Variants in POLR3B observed in about 807,000 individuals in gnomAD.
The protein encoded by POLR3B is DNA-directed RNA polymerase III subunit RPC2.
A neutral mutation model predicts 147.4 loss-of-function variants in POLR3B; 96 were observed. That is an observed-to-expected ratio of 0.65 (90% CI 0.55 to 0.77). The LOEUF is 0.77. Among genes scored for constraint, POLR3B ranks in the 30% least tolerant of loss-of-function variants. The pLI is 0.00. For synonymous variants in POLR3B, 461 were observed against 485.9 expected, an observed-to-expected ratio of 0.95 and a Z score of 0.67; for missense variants, 1,036 against 1,413.5, an observed-to-expected ratio of 0.73 and a Z score of 4.28.
chr12:106,486,220 C>T (rs937541374), intron 23 of POLR3B, among the ~76,000 whole-genome samples: 3 of 130,432 alleles, frequency 2.3e-5, no homozygotes, highest in African/African-American at 5.7e-5. Flanking sequence ...ACCTGGGAGG[C>T]GGAGCTTGCA....
chr12:106,391,815 G>A (rs949319843), intron 9 of POLR3B, among the ~76,000 whole-genome samples: 3 of 152,192 alleles, frequency 2.0e-5, no homozygotes, highest in African/African-American at 7.2e-5. Context: ...ATTGGAACTT[G>A]GGATTTGATT....
chr12:106,466,114 G>T (rs564019737), intron 23 of POLR3B, among the ~76,000 whole-genome samples: 114 of 152,294 alleles, frequency 7.5e-4, no homozygotes, highest in African/African-American at 2.6e-3. Context: ...TCCAGCGTCT[G>T]TTGTTTCCTG....
chr12:106,487,260 T>C (rs76500983), intron 23 of POLR3B, among the ~76,000 whole-genome samples: 3,325 of 152,258 alleles, frequency 0.022, 123 homozygotes, highest in African/African-American at 0.075. Context: ...CTGCAGAGGT[T>C]TGTTTGTTTG....
intron 10 of POLR3B, among the ~76,000 whole-genome samples, chr12:106,398,469 A>G (rs908540906): frequency 9.2e-5 from 14 of 152,252 alleles, no homozygotes; most frequent in African/African-American, 3.4e-4. Flanking sequence ...CCTCTCTGAC[A>G]GCTTTGAAGA....
At chr12:106,464,017 C>T (rs1273537033) in intron 23 of POLR3B, among the ~76,000 whole-genome samples, 1 of 151,850 alleles carries the variant, frequency 6.6e-6, no homozygotes, top group Non-Finnish European at 1.5e-5. Context: ...CACTAGAAGA[C>T]ACCTCAGAGT....
chr12:106,393,278 T>C lies in POLR3B; in HGVS notation c.846+125T>C, dbSNP rs1329568056. On this transcript the variant is annotated intron_variant, in intron 10 of 27. Coordinates refer to ENST00000228347, the MANE Select transcript of POLR3B (RefSeq NM_018082.6). ...ATTTGGGAAAGGTATTGGGGAGATATGGGAGGAGTGAAGTTTCTTTAACTC... is the reference window on the plus strand; with the variant it reads ...ATTTGGGAAAGGTATTGGGGAGATACGGGAGGAGTGAAGTTTCTTTAACTC... The C allele has an allele frequency of 1.1e-5, 15 of 1,366,970 alleles. No homozygotes were observed. In the Middle Eastern group the frequency reaches 7.2e-4, roughly 66 times the overall value. 84.7% of individuals were successfully genotyped at this position (1,366,970 alleles called of 1,614,324 possible).
intron 11 of POLR3B, among the ~76,000 whole-genome samples, chr12:106,407,234 A>C (rs529003932): frequency 6.6e-6 from 1 of 152,352 alleles, no homozygotes; most frequent in Non-Finnish European, 1.5e-5. Flanking sequence ...AAGGCTTTTG[A>C]GCCTGAGACG....
intron 18 of POLR3B, among the ~76,000 whole-genome samples, chr12:106,441,892 C>T (rs2037656008): frequency 6.6e-6 from 1 of 152,054 alleles, no homozygotes; most frequent in African/African-American, 2.4e-5. Flanking sequence ...ACCAACCTGA[C>T]CAACATGGAG....
At chr12:106,436,856 G>A (rs144394684) in intron 16 of POLR3B, among the ~76,000 whole-genome samples, 4 of 152,236 alleles carry the variant, frequency 2.6e-5, no homozygotes, top group African/African-American at 9.6e-5. Flanking sequence ...ATGGGCTTGG[G>A]TATGTATGTG....
In POLR3B at chr12:106,486,148, G is replaced by A. The variant is rs982816237; in HGVS notation, c.2714-9907G>A. ...ACTAAAAATACAAAAAATTAGTTGG[G>A]CGTGATGGCAGGTGCCTGTAGTCCC... On this transcript the variant is annotated intron_variant, in intron 23 of 27. Transcript: ENST00000228347. Among the ~76,000 whole-genome samples the A allele has an allele frequency of 2.6e-5, 4 of 152,130 alleles. No homozygotes were observed. In the East Asian group the frequency reaches 5.8e-4, roughly 22 times the overall value.
intron 19 of POLR3B, among the ~76,000 whole-genome samples, chr12:106,454,041 T>C (rs1441004112): frequency 6.6e-6 from 1 of 152,224 alleles, no homozygotes; most frequent in Non-Finnish European, 1.5e-5. Context: ...TCTCCTGTAT[T>C]CTTTTTCATT....
intron 1 of POLR3B, among the ~76,000 whole-genome samples, chr12:106,359,341 T>TA (rs1345362016): frequency 6.6e-6 from 1 of 150,960 alleles, no homozygotes; most frequent in Non-Finnish European, 1.5e-5. Context: ...ATTTTTTTTT[T>TA]TTTTTTTTGA....
intron 4 of POLR3B, among the ~76,000 whole-genome samples, chr12:106,367,295 A>C (rs2036547633): frequency 6.6e-6 from 1 of 152,230 alleles, no homozygotes; most frequent in Admixed American, 6.5e-5. Context: ...AGTACAAAGA[A>C]TTCTTCAATA....
chr12:106,500,317 C>G (rs564831301), intron 25 of POLR3B: 6 of 371,346 alleles, frequency 1.6e-5, no homozygotes, highest in Admixed American at 7.2e-5. Flanking sequence ...TTCTTAAACT[C>G]TTACTACAGA....
At chr12:106,484,162 G>A (rs1014072810) in intron 23 of POLR3B, among the ~76,000 whole-genome samples, 1 of 152,060 alleles carries the variant, frequency 6.6e-6, no homozygotes, top group African/African-American at 2.4e-5. Context: ...AAAAACAGGG[G>A]GCAGCAGAGA....
At chr12:106,386,479 C>T (rs570606006) in intron 9 of POLR3B, among the ~76,000 whole-genome samples, 18 of 151,794 alleles carry the variant, frequency 1.2e-4, no homozygotes, top group African/African-American at 3.6e-4. Flanking sequence ...AGTACTCTTT[C>T]TTTCTACCAG....
In POLR3B at chr12:106,405,574, AC is replaced by A. The variant is rs1565886539; in HGVS notation, c.847-282del. ...CACACACACACACACACACACACACACACACAAATATATTTTACTTGTGTCT... is the reference window on the plus strand; with the variant it reads ...CACACACACACACACACACACACACAACACAAATATATTTTACTTGTGTCT... On this transcript the variant is annotated intron_variant, in intron 10 of 27. Coordinates refer to ENST00000228347, the MANE Select transcript of POLR3B (RefSeq NM_018082.6). Among the ~76,000 whole-genome samples the A allele has an allele frequency of 1.2e-4, 18 of 151,700 alleles. No individual in the cohort carries two copies. In the South Asian group the frequency reaches 3.7e-3, roughly 32 times the overall value.
chr12:106,410,769 T>C (rs2037213743), intron 11 of POLR3B, 57 bp from the exon 12 acceptor site: 2 of 1,386,588 alleles, frequency 1.4e-6, no homozygotes, highest in Non-Finnish European at 2.0e-6. Flanking sequence ...TTTCTTGAGG[T>C]ACGTTAAATT....
In POLR3B at chr12:106,369,699, C is replaced by T. The variant is rs1272547405; in HGVS notation, c.404+16C>T. On this transcript the variant is annotated intron_variant, in intron 6 of 27. Transcript: ENST00000228347. ...CTATCGGCAGGTGAGAAATGAAATC[C>T]GTATTAGAGCCACACTGCCTGGATT... The T allele has an allele frequency of 1.1e-5, 16 of 1,471,730 alleles. No homozygotes were observed. The highest frequency in any genetic ancestry group is 9.0e-5 in the East Asian group (4 of 44,234). The allele number at this position is 1,471,730 out of a possible 1,614,324, so 91.2% of individuals were successfully genotyped here.
Sources: allele counts gnomAD v4.1 joint callset (sites outside exome capture counted in the v4.1 genomes callset), GRCh38; gene constraint gnomAD v4.1.1; transcripts MANE v1.5; gene names NCBI Gene and HGNC (gene_info 2026-07-23, HGNC 2026-07-21).